SYNE3: variants seen among roughly 807,000 people sequenced by gnomAD.
The protein encoded by SYNE3 is nesprin-3.
In SYNE3, 100 loss-of-function variants were observed where a neutral mutation model predicts 111.2. The observed-to-expected ratio is 0.90, with a 90% CI of 0.77 to 1.06. SYNE3 has a LOEUF of 1.06. Among genes scored for constraint, SYNE3 ranks in the 50% least tolerant of loss-of-function variants. The pLI is 0.00. For missense variants in SYNE3, 1,160 were observed against 1,240.3 expected, an observed-to-expected ratio of 0.94 and a Z score of 0.97; for synonymous variants, 547 against 533.9, an observed-to-expected ratio of 1.02 and a Z score of -0.34.
At chr14:95,511,752 A>G (rs891850169) in intron 1 of SYNE3, among the ~76,000 whole-genome samples, 2 of 152,064 alleles carry the variant, frequency 1.3e-5, no homozygotes, top group Non-Finnish European at 2.9e-5. Context: ...TAAAATAAAT[A>G]AAATGATCCT....
rs1262637560 is a variant in SYNE3, at chr14:95,407,927, T to C, written c.*9899A>G. ...TGAAGTGGGTTTGCTCACATAGACT[T>C]AGCTTAGGGTAGAGTGAACTTGTTT... is the stretch of plus-strand genomic sequence containing the variant. On this transcript the variant is annotated 3_prime_UTR_variant, in exon 18 of 18. Coordinates refer to ENST00000682763, the MANE Select transcript of SYNE3 (RefSeq NM_152592.6). 1.3e-5 allele frequency: 2 copies of C among 152,164 alleles called. No individual in the cohort carries two copies. The highest frequency in any genetic ancestry group is 2.9e-5 in the Non-Finnish European group (2 of 68,042). The allele number at this position is 152,164 out of a possible 1,614,324, so 9.4% of individuals were successfully genotyped here.
In SYNE3 at chr14:95,408,853, C is replaced by A; in HGVS notation, c.*8973G>T. 1 of 327,116 alleles carries A rather than the reference C, an allele frequency of 3.1e-6. No individual in the cohort carries two copies. The highest frequency in any genetic ancestry group is 2.5e-5 in the South Asian group (1 of 39,892). The allele number at this position is 327,116 out of a possible 1,614,324, so 20.3% of individuals were successfully genotyped here. On this transcript the variant is annotated 3_prime_UTR_variant, in exon 18 of 18. Transcript: ENST00000682763. Reference sequence around the variant, plus strand: ...TCAGCAGGCAGAGACCGCGCAAAGCCAACTCTGTCCTCTGCCTGCCCCCGC... The same window carrying A: ...TCAGCAGGCAGAGACCGCGCAAAGCAAACTCTGTCCTCTGCCTGCCCCCGC...
chr14:95,514,678 A>G (rs1312875704), intron 1 of SYNE3, among the ~76,000 whole-genome samples: 3 of 152,230 alleles, frequency 2.0e-5, no homozygotes, highest in African/African-American at 7.2e-5. Context: ...AACTTTCCCA[A>G]GGCTACACAG....
At chr14:95,419,869 G>GGTC (rs1884986170) in intron 17 of SYNE3, among the ~76,000 whole-genome samples, 1 of 149,986 alleles carries the variant, frequency 6.7e-6, no homozygotes, top group Admixed American at 6.6e-5. Context: ...TGGAGGTGAT[G>GGTC]GTGATGGTGA....
At position 95,413,144 on chromosome 14, in the gene SYNE3, TTCTC is replaced by T. The variant is rs1356192646; in HGVS notation, c.*4678_*4681del. 6.6e-6 allele frequency: 1 copy of T among 151,598 alleles called. No individual in the cohort carries two copies. Among genetic ancestry groups the T allele is most frequent in the Non-Finnish European group, 1.5e-5 (1 of 67,942 alleles). The allele number at this position is 151,598 out of a possible 1,614,324, so 9.4% of individuals were successfully genotyped here. A position where few individuals can be genotyped will look rare whatever the true frequency, so the allele number is the denominator to read the frequency against. On this transcript the variant is annotated 3_prime_UTR_variant, in exon 18 of 18. Transcript: ENST00000682763. ...ACAGCCTGCCATTCCCATTCTCTTT[TTCTC>T]TCTCTCTATCCCTCCCTCCCTCCCT...
At chr14:95,471,138 C>T (rs1446820373) in intron 2 of SYNE3, among the ~76,000 whole-genome samples, 1 of 152,206 alleles carries the variant, frequency 6.6e-6, no homozygotes, top group African/African-American at 2.4e-5. Flanking sequence ...TGATTCTCTA[C>T]AGCTGCCAGA....
intron 2 of SYNE3, among the ~76,000 whole-genome samples, chr14:95,474,131 T>A (rs1428480892): frequency 6.6e-6 from 1 of 151,008 alleles, no homozygotes; most frequent in East Asian, 2.0e-4. Context: ...GCTTGCGAGG[T>A]ATGACAGTGG....
intron 1 of SYNE3, among the ~76,000 whole-genome samples, chr14:95,481,677 T>C (rs1889264020): frequency 6.6e-6 from 1 of 152,192 alleles, no homozygotes; most frequent in Non-Finnish European, 1.5e-5. Flanking sequence ...AGCTCTCCTG[T>C]GACCCAGGGC....
intron 17 of SYNE3, among the ~76,000 whole-genome samples, chr14:95,431,670 C>A (rs1367442154): frequency 1.3e-5 from 2 of 152,244 alleles, no homozygotes; most frequent in Admixed American, 6.5e-5. Context: ...CATAGACTCT[C>A]CATCACCAGG....
chr14:95,418,012 T>G lies in SYNE3; in HGVS notation c.2742A>C (p.Arg914=). ...PTGFQKTRRW[R]GLGSLFRRAC... is the part of the protein sequence containing the mutation. The stretch of plus-strand genomic sequence containing the variant: ...CCCTCCGGAAGAGGGAGCCCAGTCC[T>G]CGCCACCGCCGAGTCTGCGGAACCA... The change falls in exon 18 of 18, where the codon CGA becomes CGC. Residue 914 remains arginine (R), a synonymous_variant. Coordinates refer to ENST00000682763, the MANE Select transcript of SYNE3 (RefSeq NM_152592.6). 1 of 1,610,318 alleles carries G rather than the reference T, an allele frequency of 6.2e-7. No homozygotes were observed. The highest frequency in any genetic ancestry group is 8.5e-7 in the Non-Finnish European group (1 of 1,179,746).
chr14:95,484,756 A>G (rs544991568), intron 1 of SYNE3, among the ~76,000 whole-genome samples: 5 of 152,372 alleles, frequency 3.3e-5, no homozygotes, highest in Admixed American at 3.3e-4. Context: ...CCTCTCATGG[A>G]TGAAGGATAA....
At chr14:95,468,104 C>A in intron 2 of SYNE3, 137 bp from the exon 3 acceptor site, 3 of 1,088,954 alleles carry the variant, frequency 2.8e-6, no homozygotes, top group Non-Finnish European at 2.5e-6. Flanking sequence ...GCCCCTGCAC[C>A]CCTTCTTGTG....
intron 4 of SYNE3, among the ~76,000 whole-genome samples, chr14:95,459,687 C>G (rs1352397120): frequency 1.3e-5 from 2 of 152,182 alleles, no homozygotes; most frequent in African/African-American, 4.8e-5. Flanking sequence ...CTCACCGAAT[C>G]TAGAAATATG....
At chr14:95,488,451 TTGTG>T (rs1362542065) in intron 1 of SYNE3, among the ~76,000 whole-genome samples, 4 of 152,226 alleles carry the variant, frequency 2.6e-5, no homozygotes, top group African/African-American at 9.6e-5. Flanking sequence ...TGATGAATAC[TTGTG>T]TGTGCACATA....
chr14:95,450,854 A>G (rs1279655475), intron 7 of SYNE3: 2 of 152,328 alleles, frequency 1.3e-5, no homozygotes, highest in African/African-American at 4.8e-5. Flanking sequence ...TCATATAATC[A>G]TTCTAAGTGT....
chr14:95,436,802 C>T lies in SYNE3; in HGVS notation c.2538+18G>A. ...GGTGCAAACCTTATGGATGAGGGAC[C>T]TTTCCTGGGGAACAGACCTGCAGCT... On this transcript the variant is annotated intron_variant, in intron 15 of 17. Coordinates refer to ENST00000682763, the MANE Select transcript of SYNE3 (RefSeq NM_152592.6). The T allele has an allele frequency of 1.2e-6, 2 of 1,612,850 alleles. No individual in the cohort carries two copies. The highest frequency in any genetic ancestry group is 8.5e-7 in the Non-Finnish European group (1 of 1,179,714).
At chr14:95,444,695 A>C in intron 9 of SYNE3, 67 bp from the exon 10 acceptor site, 1 of 1,477,746 alleles carries the variant, frequency 6.8e-7, no homozygotes. Context: ...GTGAGACCCG[A>C]CCCGTTCAGC....
intron 1 of SYNE3, among the ~76,000 whole-genome samples, chr14:95,496,381 TC>T (rs1182128613): frequency 2.0e-5 from 3 of 152,218 alleles, no homozygotes; most frequent in Admixed American, 6.5e-5. Context: ...CTCCAGTCTC[TC>T]TAACATGGCA....
At position 95,475,845 on chromosome 14, in the gene SYNE3, G is replaced by C. The variant is rs373361440; in HGVS notation, c.-14-10C>G. ...ATGGCACCTGCAGGGGCTGAAGAAA[G>C]GGCCACAGATAAGGCCAACAGGCAG... On this transcript the variant is annotated splice_polypyrimidine_tract_variant and intron_variant, in intron 1 of 17. Coordinates refer to ENST00000682763, the MANE Select transcript of SYNE3 (RefSeq NM_152592.6). 3 of 1,500,542 alleles carry C rather than the reference G, an allele frequency of 2.0e-6. No homozygotes were observed. The African/African-American group carries it at 4.2e-5, about 21-fold the overall frequency. 93.0% of individuals were successfully genotyped at this position (1,500,542 alleles called of 1,614,324 possible). A position where few individuals can be genotyped will look rare whatever the true frequency, so the allele number is the denominator to read the frequency against.
Sources: gnomAD v4.1 joint callset for allele counts (sites outside exome capture counted in the v4.1 genomes callset) on GRCh38, gnomAD v4.1.1 for gene constraint, MANE v1.5 for transcripts, NCBI Gene and HGNC (gene_info 2026-07-23, HGNC 2026-07-21) for gene names.